TBCE: variants seen among roughly 807,000 people sequenced by gnomAD.
TBCE encodes tubulin folding cofactor E.
A neutral mutation model predicts 77.0 loss-of-function variants in TBCE; 53 were observed. That is an observed-to-expected ratio of 0.69 (90% confidence interval 0.55 to 0.87). The LOEUF (loss-of-function observed/expected upper bound fraction) is 0.87. TBCE is among the 40% of genes least tolerant of loss of function. The probability of loss-of-function intolerance (pLI) is 0.00; values close to 1 mark genes in which losing one functional copy is unlikely to be tolerated. For missense variants in TBCE, 624 were observed against 622.4 expected, an observed-to-expected ratio of 1.00 and a Z score of -0.03; for synonymous variants, 235 against 241.3, an observed-to-expected ratio of 0.97 and a Z score of 0.24.
Position 235,436,556 on chromosome 1 carries a change from C to A in TBCE, c.911C>A (p.Ser304Tyr). 6.2e-7 allele frequency: 1 copy of A among 1,614,030 alleles called. No individual in the cohort carries two copies. The change falls in exon 11 of 17, where the codon TCC becomes TAC. Residue 304 changes from serine to tyrosine, a missense_variant. Transcript: ENST00000642610. The stretch of plus-strand genomic sequence containing the variant: ...CCTCTTTTTATAGGGTGCAAAACGT[C>A]CATGTTCCCATCCTTGAAGTACCTG... ...FPDAGIGCKTSMFPSLKYLVV... is the reference protein window; with the variant it reads ...FPDAGIGCKTYMFPSLKYLVV...
At chr1:235,380,462 C>T (rs1490725266) in intron 2 of TBCE, among the ~76,000 whole-genome samples, 1 of 152,044 alleles carries the variant, frequency 6.6e-6, no homozygotes, top group Non-Finnish European at 1.5e-5. Flanking sequence ...ACCTCATAAA[C>T]CTCAACTCAA....
chr1:235,441,862 T>C lies in TBCE; in HGVS notation c.1319T>C (p.Met440Thr), dbSNP rs778133382. The C allele has an allele frequency of 2.5e-5, 40 of 1,613,996 alleles. No homozygotes were observed. Among genetic ancestry groups the C allele is most frequent in the African/African-American group, 2.1e-4 (16 of 74,940 alleles). ...DWELKTQQPL[M>T]LKNQLLTLKI... is the part of the protein sequence containing the mutation. ...GAACTCAAAACACAGCAACCACTTA[T>C]GCTGAAAAACCAGCTACTAAGTAAG... is the stretch of plus-strand genomic sequence containing the variant. Residue 440 changes from methionine (M) to threonine (T), a missense_variant, in exon 14 of 17, where the codon ATG becomes ACG. Physicochemically the swap from Met to Thr is moderately conservative, Grantham distance 81 (BLOSUM62 -1). Transcript: ENST00000642610.
intron 6 of TBCE, 59 bp from the exon 7 acceptor site, chr1:235,430,646 T>C: frequency 1.6e-6 from 2 of 1,231,300 alleles, no homozygotes; most frequent in Non-Finnish European, 2.3e-6. Context: ...TTTCAACAAC[T>C]ATTTCAGTTG....
At chr1:235,425,037 A>G (rs1456619786) in intron 5 of TBCE, among the ~76,000 whole-genome samples, 1 of 152,108 alleles carries the variant, frequency 6.6e-6, no homozygotes, top group African/African-American at 2.4e-5. Context: ...CCCAAGGCTC[A>G]GACTTGGGAG....
At chr1:235,424,524 A>G (rs1366863838) in intron 5 of TBCE, among the ~76,000 whole-genome samples, 1 of 139,944 alleles carries the variant, frequency 7.1e-6, no homozygotes, top group African/African-American at 2.7e-5. Flanking sequence ...TCTTTTTTTG[A>G]GATAGAGTTT....
In TBCE at chr1:235,437,435, C is replaced by CG; in HGVS notation, c.1078dup (p.Ala360GlyfsTer13). 1 of 1,614,122 alleles carries CG rather than the reference C, an allele frequency of 6.2e-7. No homozygotes were observed. The highest frequency in any genetic ancestry group is 8.5e-7 in the Non-Finnish European group (1 of 1,180,028). Reference sequence around the variant, plus strand: ...CAGAGACGGCGCGACTACTCATTATCGCCAGCATTGGCCAGCTGAAGACGC... The same window carrying CG: ...CAGAGACGGCGCGACTACTCATTATCGGCCAGCATTGGCCAGCTGAAGACGC... On this transcript the variant is annotated frameshift_variant, in exon 12 of 17. Coordinates refer to ENST00000642610, the MANE Select transcript of TBCE (RefSeq NM_003193.5). LOFTEE classifies it high-confidence loss of function.
Position 235,450,222 on chromosome 1 carries a change from C to G in TBCE, c.*1460C>G, listed in dbSNP as rs111541487. ...AAGTCCCTGTTATCTTGCTTGACAT[C>G]GACAAGGATCACCGCACCGTTCCTT... On this transcript the variant is annotated 3_prime_UTR_variant, in exon 17 of 17. Coordinates refer to ENST00000642610, the MANE Select transcript of TBCE (RefSeq NM_003193.5). 4 of 1,613,984 alleles carry G rather than the reference C, an allele frequency of 2.5e-6. No homozygotes were observed. The highest frequency in any genetic ancestry group is 1.3e-5 in the African/African-American group (1 of 74,914).
At position 235,450,806 on chromosome 1, in the gene TBCE, C is replaced by T. The variant is rs1313019655; in HGVS notation, c.*2044C>T. 1.3e-5 allele frequency: 2 copies of T among 149,868 alleles called. No homozygotes were observed. Among genetic ancestry groups the T allele is most frequent in the Non-Finnish European group, 2.9e-5 (2 of 68,156 alleles). 9.3% of individuals were successfully genotyped at this position (149,868 alleles called of 1,614,324 possible). On this transcript the variant is annotated 3_prime_UTR_variant, in exon 17 of 17. Transcript: ENST00000642610. ...TCCCTCTTAACAATTGAGGAACAAA[C>T]GAAGAGTTAAAAAACTTGTTCCAGG...
In TBCE at chr1:235,448,407, G is replaced by A. The variant is rs770742395; in HGVS notation, c.1458G>A (p.Val486=). Residue 486 remains valine (V), a synonymous_variant, in exon 16 of 17, where the codon GTG becomes GTA. Coordinates refer to ENST00000642610, the MANE Select transcript of TBCE (RefSeq NM_003193.5). ...GLLSRLLKVP[V]SDLLLSYESP... ...TGTCACGTCTTCTCAAAGTTCCTGT[G>A]TCAGACCTTCTGTTGTCCTATGAAA... 3 of 1,614,086 alleles carry A rather than the reference G, an allele frequency of 1.9e-6. No individual in the cohort carries two copies. Among genetic ancestry groups the A allele is most frequent in the Admixed American group, 3.3e-5 (2 of 60,010 alleles).
At chr1:235,399,606 C>T (rs1678961985) in intron 2 of TBCE, among the ~76,000 whole-genome samples, 1 of 152,230 alleles carries the variant, frequency 6.6e-6, no homozygotes, top group Admixed American at 6.5e-5. Flanking sequence ...TTGGAAGCTC[C>T]ACAGCCCTTC....
intron 2 of TBCE, among the ~76,000 whole-genome samples, chr1:235,388,539 C>A (rs577668921): frequency 6.6e-6 from 1 of 152,076 alleles, no homozygotes; most frequent in Admixed American, 6.6e-5. Context: ...TCTGCCTGCC[C>A]AAGCCTCCCA....
chr1:235,385,772 A>G (rs1410560171), intron 2 of TBCE, among the ~76,000 whole-genome samples: 3 of 152,066 alleles, frequency 2.0e-5, no homozygotes, highest in African/African-American at 7.2e-5. Context: ...TCTTTATCCA[A>G]TTTGCCAGTC....
intron 2 of TBCE, among the ~76,000 whole-genome samples, chr1:235,399,065 C>T (rs1678925239): frequency 6.6e-6 from 1 of 152,094 alleles, no homozygotes; most frequent in African/African-American, 2.4e-5. Context: ...GCGATCCTCC[C>T]ACCTCAGCCT....
At chr1:235,414,154 C>T (rs1357817726) in intron 3 of TBCE, among the ~76,000 whole-genome samples, 2 of 152,046 alleles carry the variant, frequency 1.3e-5, no homozygotes, top group African/African-American at 2.4e-5. Context: ...CCGTGCCTGG[C>T]CACCCCCATG....
intron 2 of TBCE, among the ~76,000 whole-genome samples, chr1:235,391,945 C>T (rs190404085): frequency 1.1e-4 from 16 of 151,708 alleles, no homozygotes; most frequent in Admixed American, 4.6e-4. Context: ...AAATTATATA[C>T]GGAGTAGCAT....
At chr1:235,437,027 G>C (rs1188871455) in intron 11 of TBCE, among the ~76,000 whole-genome samples, 1 of 152,170 alleles carries the variant, frequency 6.6e-6, no homozygotes, top group Non-Finnish European at 1.5e-5. Context: ...TACTCGGGAG[G>C]CTGAGGCAGG....
Position 235,414,459 on chromosome 1 carries a change from G to C in TBCE, c.212G>C (p.Arg71Pro), listed in dbSNP as rs775857834. ...CACCCGACAGGAGGATCCTTTATTCGTCCGAACAAGGTAAATTTTGGAACA... is the reference window on the plus strand; with the variant it reads ...CACCCGACAGGAGGATCCTTTATTCCTCCGAACAAGGTAAATTTTGGAACA... ...CRHPTGGSFIRPNKVNFGTDF... is the reference protein window; with the variant it reads ...CRHPTGGSFIPPNKVNFGTDF... The change falls in exon 4 of 17, where the codon CGT becomes CCT. Residue 71 changes from arginine (R) to proline (P), a missense_variant. Transcript: ENST00000642610. 1.2e-6 allele frequency: 2 copies of C among 1,613,180 alleles called. No homozygotes were observed. The highest frequency in any genetic ancestry group is 1.7e-6 in the Non-Finnish European group (2 of 1,179,926).
At position 235,374,599 on chromosome 1, in the gene TBCE, C is replaced by G. The variant is rs957746941; in HGVS notation, c.-31-5420C>G. 2.1e-5 allele frequency among the ~76,000 whole-genome samples: 3 copies of G among 145,420 alleles called. 1 individual carries two copies. The highest frequency in any genetic ancestry group is 8.0e-5 in the African/African-American group (3 of 37,562). ...CACTGCAACCTCCGCCTCCTGGATT[C>G]AAGTGATTCTCCTGCCTCAGCCTCC... On this transcript the variant is annotated intron_variant, in intron 1 of 16. Transcript: ENST00000642610.
At chr1:235,371,378 CTTT>C (rs1256615105) in intron 1 of TBCE, among the ~76,000 whole-genome samples, 7 of 134,998 alleles carry the variant, frequency 5.2e-5, no homozygotes, top group Admixed American at 7.5e-5. Flanking sequence ...TTTTTTTTCC[CTTT>C]TTTTTTTTTT....
Sources: gnomAD v4.1 joint callset for allele counts (sites outside exome capture counted in the v4.1 genomes callset) on GRCh38, gnomAD v4.1.1 for gene constraint, MANE v1.5 for transcripts, NCBI Gene and HGNC (gene_info 2026-07-23, HGNC 2026-07-21) for gene names.